TXLNG: variants seen among roughly 807,000 people sequenced by gnomAD.
The protein encoded by TXLNG is gamma-taxilin.
Under a neutral mutation model 38.8 loss-of-function variants are expected in TXLNG, and 5 were observed. The observed-to-expected ratio is 0.13, with a 90% confidence interval of 0.07 to 0.27. The LOEUF is 0.27. Ranked by LOEUF, TXLNG falls within the 10% of genes least tolerant of loss-of-function variation. The pLI is 1.00. For synonymous variants in TXLNG, 182 were observed against 158.2 expected, an observed-to-expected ratio of 1.15 and a Z score of -1.13; for missense variants, 393 against 398.2, an observed-to-expected ratio of 0.99 and a Z score of 0.11.
At chrX:16,803,644 A>G (rs1351247776) in intron 1 of TXLNG, among the ~76,000 whole-genome samples, 1 of 102,341 alleles carries the variant, frequency 9.8e-6, no homozygotes, top group African/African-American at 3.5e-5. Flanking sequence ...CGCCTGGCCA[A>G]TACCCAGCTA....
chrX:16,812,354 T>G (rs1928552571), intron 1 of TXLNG, among the ~76,000 whole-genome samples: 1 of 108,184 alleles, frequency 9.2e-6, no homozygotes, highest in African/African-American at 3.4e-5. Flanking sequence ...AACTTTTAAT[T>G]AAATCTCCTT....
At chrX:16,804,981 C>T (rs749981211) in intron 1 of TXLNG, among the ~76,000 whole-genome samples, 1 of 4,154 alleles carries the variant, frequency 2.4e-4, no homozygotes, top group Non-Finnish European at 5.6e-4. Flanking sequence ...ACCCCCCCCC[C>T]CCGCTTTTTT....
intron 1 of TXLNG, among the ~76,000 whole-genome samples, chrX:16,811,435 C>A (rs1394103769): frequency 9.0e-6 from 1 of 111,034 alleles, no homozygotes; most frequent in East Asian, 2.8e-4. Flanking sequence ...CAGCTTGCTG[C>A]AACTTCCGCC....
At chrX:16,813,258 G>A (rs906695814) in intron 1 of TXLNG, among the ~76,000 whole-genome samples, 1 of 111,579 alleles carries the variant, frequency 9.0e-6, no homozygotes, top group African/African-American at 3.3e-5. Flanking sequence ...ATCACACTCA[G>A]TAGGATGGCT....
In TXLNG at chrX:16,829,759, C is replaced by G. The variant is rs767484693; in HGVS notation, c.853C>G (p.Leu285Val). ...AAAGAAGCTCATCGAACAGTACGCA[C>G]TGAGGGAAGAGGTAATGGCATTTGG... ...KLKKLIEQYA[L>V]REEHIDKVFK... The change falls in exon 5 of 10, where the codon CTG becomes GTG. Residue 285 changes from leucine (L) to valine (V), a missense_variant. Leu to Val is a conservative substitution (Grantham distance 32, BLOSUM62 1). Transcript: ENST00000380122. The G allele has an allele frequency of 3.3e-6, 4 of 1,208,168 alleles. No individual in the cohort carries two copies. In the African/African-American group the frequency reaches 6.9e-5, roughly 21 times the overall value.
intron 1 of TXLNG, among the ~76,000 whole-genome samples, chrX:16,802,632 A>T (rs753199990): frequency 1.2e-4 from 13 of 110,674 alleles, no homozygotes; most frequent in Non-Finnish European, 2.1e-4. Flanking sequence ...ATAAGGTATG[A>T]CCTCCTGCTG....
chrX:16,836,194 C>T (rs1248181990), intron 7 of TXLNG, among the ~76,000 whole-genome samples: 1 of 111,684 alleles, frequency 9.0e-6, no homozygotes, highest in Admixed American at 9.4e-5. Context: ...AGAGGGAGGT[C>T]GAGGCTGCAA....
intron 1 of TXLNG, among the ~76,000 whole-genome samples, chrX:16,809,894 T>C (rs1236743305): frequency 8.9e-6 from 1 of 112,090 alleles, no homozygotes; most frequent in African/African-American, 3.2e-5. Context: ...CTTCCCATTA[T>C]TAAATAGGCT....
chrX:16,821,794 T>C lies in TXLNG; in HGVS notation c.498+1539T>C, dbSNP rs1320845463. On this transcript the variant is annotated intron_variant, in intron 3 of 9. Transcript: ENST00000380122. ...TCACGAGGTCAGGAGATCGAGACCA[T>C]CCTGGCTAACACGGTGAAACCCTGT... 3.8e-5 allele frequency among the ~76,000 whole-genome samples: 4 copies of C among 106,263 alleles called. No homozygotes were observed. The East Asian group carries it at 1.2e-3, about 32-fold the overall frequency. 92.3% of individuals were successfully genotyped at this position (106,263 alleles called of 115,157 possible).
At chrX:16,789,179 A>G (rs1033534494) in intron 1 of TXLNG, among the ~76,000 whole-genome samples, 8 of 111,567 alleles carry the variant, frequency 7.2e-5, no homozygotes, top group African/African-American at 2.3e-4. Context: ...ATCTAGTTAC[A>G]TTATGGGACC....
chrX:16,813,294 T>G (rs1928605305), intron 1 of TXLNG, among the ~76,000 whole-genome samples: 1 of 110,890 alleles, frequency 9.0e-6, no homozygotes, highest in Admixed American at 9.7e-5. Context: ...TAACAAGTGT[T>G]GCTGAGGATG....
chrX:16,797,197 T>C (rs1180422755), intron 1 of TXLNG, among the ~76,000 whole-genome samples: 2 of 106,501 alleles, frequency 1.9e-5, no homozygotes, highest in African/African-American at 6.9e-5. Context: ...GGCAGGAAAA[T>C]CACTTGAACC....
At chrX:16,798,921 C>T (rs1276805206) in intron 1 of TXLNG, among the ~76,000 whole-genome samples, 4 of 109,232 alleles carry the variant, frequency 3.7e-5, no homozygotes, top group Non-Finnish European at 7.6e-5. Flanking sequence ...CGCTCGTTTC[C>T]CAGGCTGGAG....
intron 9 of TXLNG, among the ~76,000 whole-genome samples, chrX:16,841,169 T>TG (rs1486176918): frequency 3.7e-5 from 4 of 108,657 alleles, no homozygotes; most frequent in Admixed American, 9.9e-5. Flanking sequence ...CACTCCAGCC[T>TG]GGCAACAGAG....
At chrX:16,798,534 A>C (rs939280437) in intron 1 of TXLNG, among the ~76,000 whole-genome samples, 1 of 110,589 alleles carries the variant, frequency 9.0e-6, no homozygotes, top group Non-Finnish European at 1.9e-5. Flanking sequence ...AAACAGCTGC[A>C]CTCGTGCTTT....
chrX:16,797,330 G>A (rs901568910), intron 1 of TXLNG, among the ~76,000 whole-genome samples: 4 of 111,120 alleles, frequency 3.6e-5, no homozygotes, highest in African/African-American at 1.3e-4. Flanking sequence ...ATCTATTGCT[G>A]TGTAACAGAT....
At chrX:16,831,663 GTTGT>G (rs940708299) in intron 5 of TXLNG, among the ~76,000 whole-genome samples, 2 of 112,014 alleles carry the variant, frequency 1.8e-5, no homozygotes, top group African/African-American at 6.5e-5. Flanking sequence ...TTTTAGTTTT[GTTGT>G]TTGTTTTGAC....
At chrX:16,817,151 A>G (rs908361846) in intron 1 of TXLNG, among the ~76,000 whole-genome samples, 3 of 112,396 alleles carry the variant, frequency 2.7e-5, no homozygotes, top group Non-Finnish European at 5.6e-5. Flanking sequence ...CTTTGATACT[A>G]TAGTTTATCC....
intron 9 of TXLNG, chrX:16,840,438 A>G: frequency 1.3e-6 from 1 of 754,319 alleles, no homozygotes; most frequent in Non-Finnish European, 1.6e-6. Context: ...TTTATATAAC[A>G]CTTCAGGAAA....
Sources: allele counts gnomAD v4.1 joint callset (sites outside exome capture counted in the v4.1 genomes callset), GRCh38; gene constraint gnomAD v4.1.1; transcripts MANE v1.5; gene names NCBI Gene and HGNC (gene_info 2026-07-23, HGNC 2026-07-21).